Variants in SLC25A48 observed in about 807,000 individuals in gnomAD.
SLC25A48 encodes the protein CTC-321K16.1.
A neutral mutation model predicts 32.2 loss-of-function variants in SLC25A48; 29 were observed. The ratio of observed to expected loss-of-function variants is 0.90; its 90% CI spans 0.67 to 1.23. The LOEUF (loss-of-function observed/expected upper bound fraction) is 1.23. SLC25A48 is among the 50% of genes most tolerant of loss of function. SLC25A48 has a pLI of 0.00. For synonymous variants in SLC25A48, 164 were observed against 172.3 expected, an observed-to-expected ratio of 0.95 and a Z score of 0.38; for missense variants, 399 against 422.7, an observed-to-expected ratio of 0.94 and a Z score of 0.49.
chr5:135,727,189 T>C (rs1755110265), intron 3 of SLC25A48, among the ~76,000 whole-genome samples: 1 of 78,422 alleles, frequency 1.3e-5, no homozygotes, highest in Non-Finnish European at 2.9e-5. Context: ...ACAGGCTATA[T>C]ATATATATAT....
Position 135,782,549 on chromosome 5 carries a change from T to C in SLC25A48, c.-520-29974T>C, listed in dbSNP as rs370738510. Among the ~76,000 whole-genome samples, 112 of 117,296 alleles carry C rather than the reference T, an allele frequency of 9.5e-4. 11 individuals are homozygous for C. Among genetic ancestry groups the C allele is most frequent in the African/African-American group, 2.7e-3 (103 of 38,668 alleles). The allele number at this position is 117,296 out of a possible 152,430, so 77.0% of individuals were successfully genotyped here. ...CCAGGGAAGGAGAGGATGATATTACTTTTAATATGGTAGGGAGGGTGGTTA... is the reference window on the plus strand; with the variant it reads ...CCAGGGAAGGAGAGGATGATATTACCTTTAATATGGTAGGGAGGGTGGTTA... On this transcript the variant is annotated intron_variant, in intron 3 of 10. Coordinates refer to the SLC25A48 transcript ENST00000646290.
At chr5:135,826,929 A>T (rs999388532) in intron 4 of SLC25A48, 2 of 152,346 alleles carry the variant, frequency 1.3e-5, no homozygotes, top group African/African-American at 4.8e-5. Context: ...TTGCCTCTGC[A>T]CCTTTCCTTC....
chr5:135,662,308 C>G (rs942501032), intron 3 of SLC25A48, among the ~76,000 whole-genome samples: 1 of 152,102 alleles, frequency 6.6e-6, no homozygotes, highest in African/African-American at 2.4e-5. Flanking sequence ...GAGAGCTTCA[C>G]GGGAGGAGGT....
rs866808983 is a variant in SLC25A48, at chr5:135,780,637, G to C, written c.-520-31886G>C. On this transcript the variant is annotated intron_variant, in intron 3 of 10. Coordinates refer to the SLC25A48 transcript ENST00000646290. Reference sequence around the variant, plus strand: ...GTGATATTGTTTCTAATATTTTGGGGGGGGAGGAGATGATATTATTCCCAA... The same window carrying C: ...GTGATATTGTTTCTAATATTTTGGGCGGGGAGGAGATGATATTATTCCCAA... 2.6e-5 allele frequency among the ~76,000 whole-genome samples: 3 copies of C among 116,302 alleles called. 1 individual carries two copies. In the Admixed American group the frequency reaches 2.6e-4, roughly 10 times the overall value. The allele number at this position is 116,302 out of a possible 152,430, so 76.3% of individuals were successfully genotyped here.
chr5:135,778,135 G>A lies in SLC25A48; in HGVS notation c.-520-34388G>A, dbSNP rs116292678. Among the ~76,000 whole-genome samples the A allele has an allele frequency of 7.1e-3, 1,073 of 151,748 alleles. 11 individuals are homozygous for A. Among genetic ancestry groups the A allele is most frequent in the African/African-American group, 0.024 (1,004 of 41,322 alleles). On this transcript the variant is annotated intron_variant, in intron 3 of 10. Transcript: ENST00000646290. ...TATTACTCCCAATATAGCAGGGGGT[G>A]TACATGCGCCCCGTGGTATTGTTTC...
At chr5:135,595,171 A>G (rs1456051530) in intron 1 of SLC25A48, among the ~76,000 whole-genome samples, 2 of 152,052 alleles carry the variant, frequency 1.3e-5, no homozygotes, top group East Asian at 1.9e-4. Context: ...CCTTAATTCT[A>G]TGAACCCCCC....
chr5:135,648,166 C>T (rs1300257841), intron 3 of SLC25A48, among the ~76,000 whole-genome samples: 1 of 152,168 alleles, frequency 6.6e-6, no homozygotes, highest in Non-Finnish European at 1.5e-5. Flanking sequence ...CTAGAGAGGG[C>T]AGGTCTTTGT....
chr5:135,800,709 T>C (rs1243506719), intron 3 of SLC25A48, among the ~76,000 whole-genome samples: 1 of 151,274 alleles, frequency 6.6e-6, no homozygotes, highest in Admixed American at 6.6e-5. Flanking sequence ...GGGTTTGTAA[T>C]ATTTAGGAGG....
intron 4 of SLC25A48, among the ~76,000 whole-genome samples, chr5:135,868,916 C>T (rs1409432258): frequency 6.6e-6 from 1 of 152,086 alleles, no homozygotes; most frequent in Non-Finnish European, 1.5e-5. Flanking sequence ...GGTCAGGTCA[C>T]TCTTACCTGG....
At position 135,781,793 on chromosome 5, in the gene SLC25A48, A is replaced by G. The variant is rs1756721864; in HGVS notation, c.-520-30730A>G. The stretch of plus-strand genomic sequence containing the variant: ...GGGAAAGAGGATGATATTACTGTCA[A>G]TATCACAGGAAGTGTACACCCTTTC... On this transcript the variant is annotated intron_variant, in intron 3 of 10. Coordinates refer to the SLC25A48 transcript ENST00000646290. Among the ~76,000 whole-genome samples the G allele has an allele frequency of 3.4e-5, 4 of 116,726 alleles. 2 individuals are homozygous for G. The highest frequency in any genetic ancestry group is 8.5e-5 in the Non-Finnish European group (4 of 47,266). The allele number at this position is 116,726 out of a possible 152,430, so 76.6% of individuals were successfully genotyped here.
chr5:135,695,551 A>C (rs11739844), intron 3 of SLC25A48, among the ~76,000 whole-genome samples: 116,925 of 151,964 alleles, frequency 0.77, 45,581 homozygotes, highest in Middle Eastern at 0.87. Context: ...ATGCATGCAC[A>C]GGCCTCGGTG....
intron 3 of SLC25A48, among the ~76,000 whole-genome samples, chr5:135,647,017 A>G (rs1752979977): frequency 6.6e-6 from 1 of 152,074 alleles, no homozygotes; most frequent in Non-Finnish European, 1.5e-5. Context: ...TCATCACACA[A>G]AAAGGTAATT....
intron 1 of SLC25A48, among the ~76,000 whole-genome samples, chr5:135,584,317 T>C (rs938806801): frequency 3.3e-5 from 5 of 151,958 alleles, no homozygotes; most frequent in African/African-American, 7.3e-5. Flanking sequence ...CCCTAACATA[T>C]AAATGAGCAA....
At chr5:135,621,232 C>A (rs527445648) in intron 1 of SLC25A48, among the ~76,000 whole-genome samples, 4 of 152,310 alleles carry the variant, frequency 2.6e-5, no homozygotes, top group African/African-American at 9.6e-5. Flanking sequence ...CCTCAACTTT[C>A]CCATCTACAA....
chr5:135,808,091 A>C (rs550234300), intron 3 of SLC25A48, among the ~76,000 whole-genome samples: 1 of 151,126 alleles, frequency 6.6e-6, no homozygotes, highest in African/African-American at 2.4e-5. Flanking sequence ...TATTATAAAT[A>C]TCATAGATAT....
intron 3 of SLC25A48, among the ~76,000 whole-genome samples, chr5:135,732,568 G>C (rs1025120659): frequency 6.6e-6 from 1 of 152,180 alleles, no homozygotes; most frequent in Non-Finnish European, 1.5e-5. Context: ...TAGAATAGCA[G>C]ATGGAACACT....
At chr5:135,722,367 C>T (rs1206839073) in intron 3 of SLC25A48, among the ~76,000 whole-genome samples, 1 of 152,204 alleles carries the variant, frequency 6.6e-6, no homozygotes, top group Non-Finnish European at 1.5e-5. Flanking sequence ...TTTGGGCAAA[C>T]TTCTAGGCAG....
At chr5:135,861,330 CA>C (rs1760777282) in intron 4 of SLC25A48, among the ~76,000 whole-genome samples, 4 of 152,024 alleles carry the variant, frequency 2.6e-5, no homozygotes, top group Non-Finnish European at 4.4e-5. Context: ...CACACACACA[CA>C]CACACACACA....
In SLC25A48 at chr5:135,800,534, G is replaced by A. The variant is rs1757295010; in HGVS notation, c.-520-11989G>A. Among the ~76,000 whole-genome samples, 3 of 151,428 alleles carry A rather than the reference G, an allele frequency of 2.0e-5. No individual in the cohort carries two copies. In the East Asian group the frequency reaches 5.9e-4, roughly 30 times the overall value. ...ATCGCAGGGGGTGTACACCCCGCCT[G>A]TAGTATAATTCCTATATCCAGAGGA... On this transcript the variant is annotated intron_variant, in intron 3 of 10. Transcript: ENST00000646290.
Sources: allele counts gnomAD v4.1 joint callset (sites outside exome capture counted in the v4.1 genomes callset), GRCh38; gene constraint gnomAD v4.1.1; transcripts MANE v1.5; gene names NCBI Gene and HGNC (gene_info 2026-07-23, HGNC 2026-07-21).